ZNF805: variants seen among roughly 807,000 people sequenced by gnomAD.
ZNF805 encodes the protein zinc finger protein 805.
In ZNF805, 7 loss-of-function variants were observed where a neutral mutation model predicts 13.6. The ratio of observed to expected loss-of-function variants is 0.51; its 90% CI spans 0.29 to 0.97. ZNF805 has a LOEUF of 0.97. ZNF805 is among the 50% of genes least tolerant of loss of function. ZNF805 has a pLI of 0.08. For missense variants in ZNF805, 604 were observed against 771.0 expected (o/e 0.78, Z 2.57); for synonymous variants, 293 against 279.8 (o/e 1.05, Z -0.47).
In ZNF805 at chr19:57,257,988, A is replaced by G. The variant is rs183225872; in HGVS notation, c.*3285A>G. 4.3e-4 allele frequency among the ~76,000 whole-genome samples: 62 copies of G among 142,908 alleles called. No homozygotes were observed. The highest frequency in any genetic ancestry group is 7.4e-4 in the Non-Finnish European group (49 of 66,666). The allele number at this position is 142,908 out of a possible 152,430, so 93.8% of individuals were successfully genotyped here. On this transcript the variant is annotated 3_prime_UTR_variant, in exon 4 of 4. Transcript: ENST00000414468. ...CTCCCAAAGTGCTAGGATTACTGGT[A>G]TGAGCAACCACGCACAGCATTTTTT... is the stretch of plus-strand genomic sequence containing the variant.
Position 57,254,104 on chromosome 19 carries a change from T to A in ZNF805, c.1285T>A (p.Cys429Ser). 6.2e-7 allele frequency: 1 copy of A among 1,613,622 alleles called. No individual in the cohort carries two copies. Among genetic ancestry groups the A allele is most frequent in the Non-Finnish European group, 8.5e-7 (1 of 1,179,958 alleles). Reference sequence around the variant, plus strand: ...TCACACTGGGGAGAAGCCATATGTGTGTAGTGAATGCGGAAAGGCCTTCAC... The same window carrying A: ...TCACACTGGGGAGAAGCCATATGTGAGTAGTGAATGCGGAAAGGCCTTCAC... ...RIHTGEKPYV[C>S]SECGKAFTHC... is the part of the protein sequence containing the mutation. Residue 429 changes from cysteine to serine, a missense_variant, in exon 4 of 4, where the codon TGT (cysteine) becomes AGT (serine). Cys to Ser is a moderately radical substitution (Grantham distance 112, BLOSUM62 -1). Around this residue, in one of 3 missense-constraint regions of ZNF805, gnomAD observed 228 missense variants for 352.8 expected, o/e 0.65. Coordinates refer to ENST00000414468, the MANE Select transcript of ZNF805 (RefSeq NM_001023563.4).
In ZNF805 at chr19:57,257,928, G is replaced by C. The variant is rs1352797153; in HGVS notation, c.*3225G>C. On this transcript the variant is annotated 3_prime_UTR_variant, in exon 4 of 4. Coordinates refer to ENST00000414468, the MANE Select transcript of ZNF805 (RefSeq NM_001023563.4). Reference sequence around the variant, plus strand: ...TCACCATGTTGGCCAGGCTGGTCTCGAACTCCTGACCTCAGGTGATCCACC... The same window carrying C: ...TCACCATGTTGGCCAGGCTGGTCTCCAACTCCTGACCTCAGGTGATCCACC... Among the ~76,000 whole-genome samples, 1 of 149,908 alleles carries C rather than the reference G, an allele frequency of 6.7e-6. No individual in the cohort carries two copies. Among genetic ancestry groups the C allele is most frequent in the African/African-American group, 2.5e-5 (1 of 40,676 alleles).
rs963597694 is a variant in ZNF805, at chr19:57,260,437, C to T, written c.*5734C>T. Among the ~76,000 whole-genome samples, 1 of 152,156 alleles carries T rather than the reference C, an allele frequency of 6.6e-6. No homozygotes were observed. The highest frequency in any genetic ancestry group is 2.4e-5 in the African/African-American group (1 of 41,432). On this transcript the variant is annotated 3_prime_UTR_variant, in exon 4 of 4. Coordinates refer to ENST00000414468, the MANE Select transcript of ZNF805 (RefSeq NM_001023563.4). Reference sequence around the variant, plus strand: ...CCAGATACTACTAAATGGCTTCCACCACCGTTGCCTGACTTAAGCACGTCT... The same window carrying T: ...CCAGATACTACTAAATGGCTTCCACTACCGTTGCCTGACTTAAGCACGTCT...
In ZNF805 at chr19:57,260,367, C is replaced by T. The variant is rs771517706; in HGVS notation, c.*5664C>T. On this transcript the variant is annotated 3_prime_UTR_variant, in exon 4 of 4. Transcript: ENST00000414468. ...TCTTCCACACACATGCCCTGAGTAA[C>T]TATTCTGTGCACTGTCGCCACCCCT... Among the ~76,000 whole-genome samples, 3 of 152,208 alleles carry T rather than the reference C, an allele frequency of 2.0e-5. No homozygotes were observed. Among genetic ancestry groups the T allele is most frequent in the Non-Finnish European group, 4.4e-5 (3 of 68,034 alleles).
At chr19:57,244,612 T>TG (rs1462173468) in intron 2 of ZNF805, among the ~76,000 whole-genome samples, 1 of 152,036 alleles carries the variant, frequency 6.6e-6, no homozygotes, top group Non-Finnish European at 1.5e-5. Flanking sequence ...TGGAAGGAAA[T>TG]GGGGTGTTTT....
chr19:57,249,525 C>G (rs976858431), intron 3 of ZNF805, among the ~76,000 whole-genome samples: 1 of 152,208 alleles, frequency 6.6e-6, no homozygotes, highest in Non-Finnish European at 1.5e-5. Flanking sequence ...AGTGACTTAT[C>G]AAAATAAGCT....
At chr19:57,246,094 G>A (rs1442972951) in intron 2 of ZNF805, among the ~76,000 whole-genome samples, 1 of 152,156 alleles carries the variant, frequency 6.6e-6, no homozygotes, top group East Asian at 1.9e-4. Context: ...GCAAACTGTT[G>A]GTAATTTCCC....
chr19:57,249,451 A>G (rs2087638619), intron 3 of ZNF805, among the ~76,000 whole-genome samples: 1 of 152,258 alleles, frequency 6.6e-6, no homozygotes, highest in South Asian at 2.1e-4. Flanking sequence ...GCCATTGGGC[A>G]GTTTGAAGTT....
Position 57,254,627 on chromosome 19 carries a change from T to A in ZNF805, c.1808T>A (p.Leu603His). 6.2e-7 allele frequency: 1 copy of A among 1,614,092 alleles called. No homozygotes were observed. Among genetic ancestry groups the A allele is most frequent in the Non-Finnish European group, 8.5e-7 (1 of 1,179,982 alleles). The change falls in exon 4 of 4, where the codon CTT becomes CAT. Residue 603 changes from leucine (L) to histidine (H), a missense_variant. Physicochemically the swap from Leu to His is moderately conservative, Grantham distance 99 (BLOSUM62 -3). This residue lies in a region of ZNF805 where 49 missense variants were observed against 40.0 expected (regional missense o/e 1.23). Coordinates refer to ENST00000414468, the MANE Select transcript of ZNF805 (RefSeq NM_001023563.4). The part of the protein sequence containing the change: ...NFLNVTTEEN[L>H]LQEEASYMAS... ...TTGAATGTCACCACTGAGGAAAATC[T>A]TTTGCAAGAGGAAGCATCTTACATG... is the stretch of plus-strand genomic sequence containing the variant.
intron 2 of ZNF805, 118 bp from the exon 3 acceptor site, chr19:57,248,487 T>C (rs1414437003): frequency 1.4e-5 from 13 of 916,236 alleles, no homozygotes; most frequent in Admixed American, 6.6e-5. Flanking sequence ...TTTGTTCCCA[T>C]GGATGGGTGT....
chr19:57,245,189 G>T (rs963958398), intron 2 of ZNF805, among the ~76,000 whole-genome samples: 9 of 152,160 alleles, frequency 5.9e-5, no homozygotes, highest in African/African-American at 2.2e-4. Flanking sequence ...CTGCAGCCTT[G>T]CTGGGCTTCT....
intron 1 of ZNF805, among the ~76,000 whole-genome samples, chr19:57,243,096 G>T (rs2087589550): frequency 2.6e-5 from 4 of 152,158 alleles, no homozygotes; most frequent in Non-Finnish European, 4.4e-5. Context: ...CGTTCCTGTA[G>T]TCCCAGCTAC....
At position 57,254,411 on chromosome 19, in the gene ZNF805, T is replaced by C. The variant is rs968546547; in HGVS notation, c.1592T>C (p.Ile531Thr). 6 of 1,612,944 alleles carry C rather than the reference T, an allele frequency of 3.7e-6. No homozygotes were observed. The African/African-American group carries it at 8.0e-5, about 22-fold the overall frequency. Residue 531 changes from isoleucine to threonine, a missense_variant, in exon 4 of 4, where the codon ATC becomes ACC. Transcript: ENST00000414468. The part of the protein sequence containing the change: ...CWSTNLIRHS[I>T]IHTGEKPYEC... Reference sequence around the variant, plus strand: ...AGCACAAACCTCATTCGACACTCTATCATCCACACTGGAGAGAAGCCGTAT... The same window carrying C: ...AGCACAAACCTCATTCGACACTCTACCATCCACACTGGAGAGAAGCCGTAT...
In ZNF805 at chr19:57,258,191, C is replaced by T. The variant is rs1272207162; in HGVS notation, c.*3488C>T. ...CTAATTTTTATATTTTTAGTAGAGA[C>T]GGGGTTTCATCATGTTGGTCAGGCT... On this transcript the variant is annotated 3_prime_UTR_variant, in exon 4 of 4. Coordinates refer to ENST00000414468, the MANE Select transcript of ZNF805 (RefSeq NM_001023563.4). Among the ~76,000 whole-genome samples, 5 of 148,498 alleles carry T rather than the reference C, an allele frequency of 3.4e-5. No individual in the cohort carries two copies. Among genetic ancestry groups the T allele is most frequent in the Admixed American group, 6.7e-5 (1 of 14,856 alleles).
At chr19:57,243,169 G>C (rs537505015) in intron 1 of ZNF805, among the ~76,000 whole-genome samples, 111 of 152,308 alleles carry the variant, frequency 7.3e-4, no homozygotes, top group Non-Finnish European at 7.2e-4. Flanking sequence ...TGAACTCTGA[G>C]CATGCCATTA....
rs561409754 is a variant in ZNF805, at chr19:57,252,416, G to C, written c.254-657G>C. Among the ~76,000 whole-genome samples, 29 of 152,250 alleles carry C rather than the reference G, an allele frequency of 1.9e-4. 1 individual carries two copies. The South Asian group carries it at 5.4e-3, about 28-fold the overall frequency. On this transcript the variant is annotated intron_variant, in intron 3 of 3. Transcript: ENST00000414468. ...TAAAACCTATTATACTCACAGTTTTGTTTATTACAGACAAAGCATACAAAT... is the reference window on the plus strand; with the variant it reads ...TAAAACCTATTATACTCACAGTTTTCTTTATTACAGACAAAGCATACAAAT...
At chr19:57,244,167 A>C in intron 2 of ZNF805, 118 bp downstream of exon 2, 2 of 1,246,194 alleles carry the variant, frequency 1.6e-6, no homozygotes, top group South Asian at 1.6e-5. Flanking sequence ...CTTCCCACAA[A>C]TTCAGTCATT....
intron 1 of ZNF805, 55 bp downstream of exon 1, chr19:57,240,976 C>T: frequency 6.5e-7 from 1 of 1,539,138 alleles, no homozygotes; most frequent in African/African-American, 1.4e-5. Context: ...GGGAAGCCTC[C>T]TGGGCAGGCC....
chr19:57,242,028 A>G (rs1946528512), intron 1 of ZNF805, among the ~76,000 whole-genome samples: 2 of 152,226 alleles, frequency 1.3e-5, no homozygotes. Context: ...GTTGGCCTTC[A>G]TTGAGTCCTT....
Sources: allele counts gnomAD v4.1 joint callset (sites outside exome capture counted in the v4.1 genomes callset), GRCh38; gene constraint gnomAD v4.1.1; regional missense constraint gnomAD v4.1.1; transcripts MANE v1.5; gene names NCBI Gene and HGNC (gene_info 2026-07-23, HGNC 2026-07-21).